The following CHCHD3 variants were observed in gnomAD, a reference collection of about 807,000 sequenced individuals.
CHCHD3 encodes the protein coiled-coil-helix-coiled-coil-helix domain containing 3.
In CHCHD3, 20 loss-of-function variants were observed where a neutral mutation model predicts 38.2. The ratio of observed to expected loss-of-function variants is 0.52; its 90% CI spans 0.37 to 0.76. CHCHD3 has a LOEUF of 0.76. Ranked by LOEUF, CHCHD3 falls within the 30% of genes least tolerant of loss-of-function variation. CHCHD3 has a pLI of 0.00. For synonymous variants in CHCHD3, 82 were observed against 100.0 expected (o/e 0.82, Z 1.07); for missense variants, 245 against 279.2 (o/e 0.88, Z 0.87).
intron 6 of CHCHD3, among the ~76,000 whole-genome samples, chr7:132,834,573 A>G (rs1184879093): frequency 2.0e-5 from 3 of 152,174 alleles, no homozygotes; most frequent in East Asian, 1.9e-4. Context: ...CCAAAATTCA[A>G]TGGTTCAATA....
intron 2 of CHCHD3, among the ~76,000 whole-genome samples, chr7:133,069,884 GAAGT>G (rs1460841022): frequency 1.3e-5 from 2 of 152,134 alleles, no homozygotes; most frequent in Non-Finnish European, 2.9e-5. Flanking sequence ...AAAAAGATAT[GAAGT>G]AACTTTCCAA....
chr7:132,929,280 G>A (rs892966587), intron 4 of CHCHD3, among the ~76,000 whole-genome samples: 2 of 152,028 alleles, frequency 1.3e-5, no homozygotes, highest in Non-Finnish European at 2.9e-5. Context: ...CTTCACCTCT[G>A]ACGGATCCCT....
intron 5 of CHCHD3, among the ~76,000 whole-genome samples, chr7:132,868,416 C>T (rs888846664): frequency 6.6e-6 from 1 of 151,924 alleles, no homozygotes; most frequent in Non-Finnish European, 1.5e-5. Context: ...ACTCAGAATG[C>T]CTTTTGAGTA....
intron 4 of CHCHD3, among the ~76,000 whole-genome samples, chr7:132,917,137 T>C (rs1290813478): frequency 2.0e-5 from 3 of 152,234 alleles, no homozygotes; most frequent in African/African-American, 4.8e-5. Context: ...GGCAGAACTT[T>C]GGACCCTGCT....
chr7:132,857,054 T>C (rs1428312426), intron 5 of CHCHD3, among the ~76,000 whole-genome samples: 1 of 152,228 alleles, frequency 6.6e-6, no homozygotes, highest in Non-Finnish European at 1.5e-5. Context: ...CACCACTTCA[T>C]ATGTAACTAG....
In CHCHD3 at chr7:132,975,300, A is replaced by C; in HGVS notation, c.252-14T>G. 1 of 1,590,582 alleles carries C rather than the reference A, an allele frequency of 6.3e-7. No homozygotes were observed. Among genetic ancestry groups the C allele is most frequent in the South Asian group, 1.1e-5 (1 of 89,584 alleles). On this transcript the variant is annotated splice_polypyrimidine_tract_variant and intron_variant, in intron 3 of 7. Coordinates refer to ENST00000262570, the MANE Select transcript of CHCHD3 (RefSeq NM_017812.4). ...GCTTGCTTTAGTCTAAAATGACAAGAATTGTCTAAGTTAGAAAAAATATTT... is the reference window on the plus strand; with the variant it reads ...GCTTGCTTTAGTCTAAAATGACAAGCATTGTCTAAGTTAGAAAAAATATTT...
chr7:132,939,958 C>T (rs576395427), intron 4 of CHCHD3, among the ~76,000 whole-genome samples: 16 of 152,252 alleles, frequency 1.1e-4, no homozygotes, highest in African/African-American at 3.4e-4. Context: ...CACAGAGCTC[C>T]ATAAATGTAT....
chr7:132,819,763 A>G (rs916428666), intron 6 of CHCHD3, among the ~76,000 whole-genome samples: 1 of 152,226 alleles, frequency 6.6e-6, no homozygotes, highest in Non-Finnish European at 1.5e-5. Flanking sequence ...AGGAATTAAC[A>G]CATGAGACAG....
chr7:132,817,817 A>G (rs560225503), intron 6 of CHCHD3, among the ~76,000 whole-genome samples: 1 of 152,084 alleles, frequency 6.6e-6, no homozygotes, highest in Admixed American at 6.5e-5. Context: ...CACTTGACCC[A>G]GGAGGTCAAG....
chr7:132,963,694 T>TATACACACACACACAC (rs1554394890), intron 4 of CHCHD3, among the ~76,000 whole-genome samples: 1 of 148,796 alleles, frequency 6.7e-6, no homozygotes, highest in Non-Finnish European at 1.5e-5. Context: ...CAAACGATTA[T>TATACACACACACACAC]ACACACACAC....
intron 4 of CHCHD3, among the ~76,000 whole-genome samples, chr7:132,930,054 T>C (rs1305381616): frequency 1.3e-5 from 2 of 152,160 alleles, no homozygotes; most frequent in Admixed American, 1.3e-4. Flanking sequence ...AAAATAAACC[T>C]AAGTGACAGA....
chr7:132,952,584 A>G (rs1811058429), intron 4 of CHCHD3, among the ~76,000 whole-genome samples: 1 of 152,256 alleles, frequency 6.6e-6, no homozygotes, highest in African/African-American at 2.4e-5. Flanking sequence ...GAAAGTACTC[A>G]AGCCAGTCTT....
At chr7:133,006,494 A>AT (rs1812704350) in intron 3 of CHCHD3, among the ~76,000 whole-genome samples, 1 of 47,802 alleles carries the variant, frequency 2.1e-5, no homozygotes, top group Non-Finnish European at 4.8e-5. Context: ...TAAATAAATA[A>AT]AAAAATAAAT....
chr7:132,948,588 C>T (rs1001729720), intron 4 of CHCHD3, among the ~76,000 whole-genome samples: 1 of 152,046 alleles, frequency 6.6e-6, no homozygotes, highest in African/African-American at 2.4e-5. Flanking sequence ...CAACGATACC[C>T]AAACTCAAGA....
chr7:133,009,903 A>T (rs1410611634), intron 3 of CHCHD3, among the ~76,000 whole-genome samples: 3 of 152,222 alleles, frequency 2.0e-5, no homozygotes, highest in Non-Finnish European at 4.4e-5. Flanking sequence ...TCAAGTTTCC[A>T]CTTTTAGACA....
intron 2 of CHCHD3, among the ~76,000 whole-genome samples, chr7:133,052,374 A>G (rs1475000422): frequency 6.6e-6 from 1 of 152,204 alleles, no homozygotes; most frequent in Non-Finnish European, 1.5e-5. Context: ...TGAAGCAGAG[A>G]AAAGCAAAAA....
At chr7:133,023,121 C>A (rs1245408042) in intron 3 of CHCHD3, among the ~76,000 whole-genome samples, 1 of 151,910 alleles carries the variant, frequency 6.6e-6, no homozygotes, top group Non-Finnish European at 1.5e-5. Flanking sequence ...ACTTCACTAT[C>A]TAATTATATA....
At chr7:132,984,642 C>A (rs967137489) in intron 3 of CHCHD3, among the ~76,000 whole-genome samples, 3 of 148,936 alleles carry the variant, frequency 2.0e-5, no homozygotes, top group Non-Finnish European at 4.5e-5. Flanking sequence ...GGCCGCCCAT[C>A]GTCTGAGATG....
chr7:133,038,774 T>C (rs115248761), intron 2 of CHCHD3, among the ~76,000 whole-genome samples: 1,567 of 152,336 alleles, frequency 0.01, 31 homozygotes, highest in African/African-American at 0.036. Context: ...ACTTCCTACA[T>C]GTGGCATCAC....
Sources: gnomAD v4.1 joint callset for allele counts (sites outside exome capture counted in the v4.1 genomes callset) on GRCh38, gnomAD v4.1.1 for gene constraint, MANE v1.5 for transcripts, NCBI Gene and HGNC (gene_info 2026-07-23, HGNC 2026-07-21) for gene names.